IGSF23: variants seen among roughly 807,000 people sequenced by gnomAD.
IGSF23 encodes the protein immunoglobulin superfamily member 23, also known as immunoglobulin superfamily, member 23.
In IGSF23, 14 loss-of-function variants were observed where a neutral mutation model predicts 17.8. The ratio of observed to expected loss-of-function variants is 0.79; its 90% CI spans 0.52 to 1.23. The LOEUF (loss-of-function observed/expected upper bound fraction) is 1.23. Ranked by LOEUF, IGSF23 falls within the 50% of genes most tolerant of loss-of-function variation. The pLI is 0.00. For missense variants in IGSF23, 214 were observed against 241.7 expected (o/e 0.89, Z 0.76); for synonymous variants, 85 against 92.5 (o/e 0.92, Z 0.46).
At chr19:44,627,947 CTT>C (rs56014048) in intron 3 of IGSF23, among the ~76,000 whole-genome samples, 11 of 139,268 alleles carry the variant, frequency 7.9e-5, no homozygotes, top group Admixed American at 7.2e-5. Flanking sequence ...TTTTCTTTTT[CTT>C]TTTTTTTTTT....
chr19:44,624,918 A>C (rs566827456), intron 2 of IGSF23, among the ~76,000 whole-genome samples: 236 of 151,310 alleles, frequency 1.6e-3, no homozygotes, highest in African/African-American at 5.4e-3. Context: ...AAAAAAAAAA[A>C]AAAACTAAAA....
chr19:44,614,141 C>A, intron 1 of IGSF23: 1 of 480,972 alleles, frequency 2.1e-6, no homozygotes, highest in Non-Finnish European at 3.8e-6. Flanking sequence ...CTCTTGAAGG[C>A]CACTCCGCCA....
intron 3 of IGSF23, among the ~76,000 whole-genome samples, chr19:44,630,591 C>T (rs377543966): frequency 3.3e-5 from 5 of 152,188 alleles, no homozygotes; most frequent in South Asian, 2.1e-4. Context: ...CTGTCTTCCC[C>T]GCCCTTGTGG....
Position 44,623,798 on chromosome 19 carries a change from G to A in IGSF23, c.217G>A (p.Val73Met). The change falls in exon 2 of 5, where the codon GTG becomes ATG. Residue 73 changes from valine to methionine, a missense_variant. Transcript: ENST00000402988. ...CTATTCTGTGATCCTGCAGTGGGTG[G>A]TGACAATGGACCCTGAGCCTGTGCT... Reference protein sequence around the residue: ...LNYSVILQWVVTMDPEPVLSW... With the variant: ...LNYSVILQWVMTMDPEPVLSW... 1 of 1,550,974 alleles carries A rather than the reference G, an allele frequency of 6.4e-7. No homozygotes were observed.
chr19:44,614,504 C>T (rs1205327876), intron 1 of IGSF23, among the ~76,000 whole-genome samples: 1 of 152,038 alleles, frequency 6.6e-6, no homozygotes, highest in East Asian at 1.9e-4. Flanking sequence ...CCGATAATGA[C>T]TCATTGCAGC....
chr19:44,623,799 T>C lies in IGSF23; in HGVS notation c.218T>C (p.Val73Ala), dbSNP rs1972573155. The change falls in exon 2 of 5, where the codon GTG becomes GCG. Residue 73 changes from valine (V) to alanine (A), a missense_variant. Physicochemically the swap from Val to Ala is moderately conservative, Grantham distance 64 (BLOSUM62 0). Coordinates refer to ENST00000402988, the MANE Select transcript of IGSF23 (RefSeq NM_001205280.2). ...LNYSVILQWV[V>A]TMDPEPVLSW... The stretch of plus-strand genomic sequence containing the variant: ...TATTCTGTGATCCTGCAGTGGGTGG[T>C]GACAATGGACCCTGAGCCTGTGCTG... 6.4e-7 allele frequency: 1 copy of C among 1,550,914 alleles called. No individual in the cohort carries two copies. The highest frequency in any genetic ancestry group is 8.7e-7 in the Non-Finnish European group (1 of 1,147,056).
intron 1 of IGSF23, 140 bp downstream of exon 1, chr19:44,613,910 C>T: frequency 1.3e-6 from 2 of 1,548,248 alleles, no homozygotes; most frequent in Non-Finnish European, 1.7e-6. Flanking sequence ...TCTGCACAGT[C>T]CCTGGACAGA....
intron 3 of IGSF23, among the ~76,000 whole-genome samples, chr19:44,629,702 C>T (rs551117730): frequency 7.2e-6 from 1 of 138,604 alleles, no homozygotes; most frequent in South Asian, 2.3e-4. Context: ...GGTGCAATCT[C>T]GGCTCACTGC....
rs1390182506 is a variant in IGSF23, at chr19:44,635,420, G to C, written c.565G>C (p.Gly189Arg). ...CTGCAGGACTGACAGGCAGAGAATA[G>C]GAATATGCAGCTGAAATGTGGGCAA... ...QSLRTDRQRI[G>R]ICS Residue 189 changes from glycine to arginine, a missense_variant, in exon 4 of 5, where the codon GGA becomes CGA. By Grantham distance (125) the Gly-to-Arg change is moderately radical. Coordinates refer to ENST00000402988, the MANE Select transcript of IGSF23 (RefSeq NM_001205280.2). 2 of 1,548,582 alleles carry C rather than the reference G, an allele frequency of 1.3e-6. No individual in the cohort carries two copies. The highest frequency in any genetic ancestry group is 2.4e-5 in the East Asian group (1 of 40,880).
intron 1 of IGSF23, chr19:44,614,061 T>C (rs1700904204): frequency 8.0e-7 from 1 of 1,244,596 alleles, no homozygotes; most frequent in African/African-American, 1.5e-5. Flanking sequence ...CGAGTCCAAG[T>C]CACCCCCACT....
chr19:44,633,319 G>T (rs182460579), intron 3 of IGSF23, among the ~76,000 whole-genome samples: 1 of 152,224 alleles, frequency 6.6e-6, no homozygotes, highest in South Asian at 2.1e-4. Flanking sequence ...CATCAAAAAT[G>T]ATATTCTAAT....
At chr19:44,629,638 T>TTC (rs1972725508) in intron 3 of IGSF23, among the ~76,000 whole-genome samples, 1 of 146,816 alleles carries the variant, frequency 6.8e-6, no homozygotes, top group Admixed American at 6.7e-5. Flanking sequence ...CTTTCTTTTT[T>TTC]TTTTTTTTTT....
chr19:44,623,739 C>G lies in IGSF23; in HGVS notation c.158C>G (p.Ala53Gly). 1 of 1,551,136 alleles carries G rather than the reference C, an allele frequency of 6.4e-7. No individual in the cohort carries two copies. Among genetic ancestry groups the G allele is most frequent in the Non-Finnish European group, 8.7e-7 (1 of 1,147,104 alleles). ...LQLMPLKTFP[A>G]AIRGVIQSEL... is the part of the protein sequence containing the mutation. The stretch of plus-strand genomic sequence containing the variant: ...CTAATGCCACTGAAGACATTCCCAG[C>G]TGCTATCCGGGGAGTCATCCAGAGT... The change falls in exon 2 of 5, where the codon GCT becomes GGT. Residue 53 changes from alanine to glycine, a missense_variant. Physicochemically the swap from Ala to Gly is moderately conservative, Grantham distance 60 (BLOSUM62 0). Transcript: ENST00000402988.
chr19:44,627,654 C>CA, intron 3 of IGSF23, 81 bp downstream of exon 3: 1 of 1,436,628 alleles, frequency 7.0e-7, no homozygotes, highest in African/African-American at 1.4e-5. Context: ...AACAAGGAAA[C>CA]AGAGATGAAA....
At position 44,635,402 on chromosome 19, in the gene IGSF23, A is replaced by G. The variant is rs1171403782; in HGVS notation, c.547A>G (p.Thr183Ala). The change falls in exon 4 of 5, where the codon ACT becomes GCT. Residue 183 changes from threonine to alanine, a missense_variant and splice_region_variant. Coordinates refer to ENST00000402988, the MANE Select transcript of IGSF23 (RefSeq NM_001205280.2). ...MCFIIIQSLRTDRQRIGICS is the reference protein window; with the variant it reads ...MCFIIIQSLRADRQRIGICS ...TCTCTCTCTCTCTCTCCACTGCAGG[A>G]CTGACAGGCAGAGAATAGGAATATG... 6 of 1,546,108 alleles carry G rather than the reference A, an allele frequency of 3.9e-6. No homozygotes were observed. Among genetic ancestry groups the G allele is most frequent in the Non-Finnish European group, 5.2e-6 (6 of 1,144,642 alleles).
chr19:44,627,664 A>G, intron 3 of IGSF23, 91 bp downstream of exon 3: 1 of 1,382,478 alleles, frequency 7.2e-7, no homozygotes. Flanking sequence ...CAGAGATGAA[A>G]CCAACACCCC....
intron 1 of IGSF23, among the ~76,000 whole-genome samples, chr19:44,619,495 C>A (rs909240762): frequency 8.5e-5 from 13 of 152,306 alleles, no homozygotes; most frequent in African/African-American, 2.9e-4. Flanking sequence ...CTGAGAGTAA[C>A]CAGACCCATC....
intron 3 of IGSF23, among the ~76,000 whole-genome samples, chr19:44,629,632 CTTTTTTTTT>C (rs11344283): frequency 8.8e-6 from 1 of 114,126 alleles, no homozygotes; most frequent in Non-Finnish European, 1.7e-5. Context: ...TATATGCTTT[CTTTTTTTTT>C]TTTTTTTTTT....
intron 1 of IGSF23, among the ~76,000 whole-genome samples, chr19:44,618,426 GC>G (rs1159740053): frequency 6.6e-6 from 1 of 152,200 alleles, no homozygotes; most frequent in African/African-American, 2.4e-5. Context: ...AGTGAGTGGG[GC>G]CCCGCAGTGG....
Sources: gnomAD v4.1 joint callset for allele counts (sites outside exome capture counted in the v4.1 genomes callset) on GRCh38, gnomAD v4.1.1 for gene constraint, MANE v1.5 for transcripts, NCBI Gene and HGNC (gene_info 2026-07-23, HGNC 2026-07-21) for gene names.